The following SYK variants were observed in gnomAD, a reference collection of about 807,000 sequenced individuals.
SYK encodes the protein tyrosine-protein kinase SYK.
In SYK, 16 loss-of-function variants were observed where a neutral mutation model predicts 77.8. The observed-to-expected ratio is 0.21, with a 90% CI of 0.14 to 0.31. SYK has a LOEUF of 0.31. SYK is among the 10% of genes least tolerant of loss of function. The pLI is 1.00. For synonymous variants in SYK, 312 were observed against 308.7 expected (o/e 1.01, Z -0.11); for missense variants, 529 against 814.4 (o/e 0.65, Z 4.26).
chr9:90,809,731 G>A (rs1293579531), intron 1 of SYK, among the ~76,000 whole-genome samples: 2 of 152,158 alleles, frequency 1.3e-5, no homozygotes, highest in East Asian at 1.9e-4. Flanking sequence ...CTAGAGCCTC[G>A]TGGAAAGTGA....
At chr9:90,809,109 G>A (rs1824971238) in intron 1 of SYK, among the ~76,000 whole-genome samples, 2 of 152,226 alleles carry the variant, frequency 1.3e-5, no homozygotes, top group South Asian at 4.1e-4. Context: ...CTCACAGTGA[G>A]GGCTCAGGAA....
chr9:90,812,741 A>ATGTGTGTGTGTGTATGTG lies in SYK; in HGVS notation c.-42+10861_-42+10862insATGTGTGTGTGTGTGTGT, dbSNP rs1554704336. Among the ~76,000 whole-genome samples the ATGTGTGTGTGTGTATGTG allele has an allele frequency of 1.4e-3, 154 of 109,932 alleles. 1 individual carries two copies. The highest frequency in any genetic ancestry group is 2.1e-3 in the Non-Finnish European group (108 of 52,114). 72.1% of individuals were successfully genotyped at this position (109,932 alleles called of 152,430 possible). A position where few individuals can be genotyped will look rare whatever the true frequency, so the allele number is the denominator to read the frequency against. ...CCAGAGTGGCTCCTCCCCATTTGATATGTGTGTGTGTGTGTGTGTGTGTGT... is the reference window on the plus strand; with the variant it reads ...CCAGAGTGGCTCCTCCCCATTTGATATGTGTGTGTGTGTATGTGTGTGTGTGTGTGTGTGTGTGTGTGT... On this transcript the variant is annotated intron_variant, in intron 1 of 13. Coordinates refer to ENST00000375754, the MANE Select transcript of SYK (RefSeq NM_003177.7).
At chr9:90,884,160 TACAC>T (rs67180121) in intron 11 of SYK, among the ~76,000 whole-genome samples, 9,739 of 74,120 alleles carry the variant, frequency 0.13, 1,600 homozygotes, top group Middle Eastern at 0.24. Context: ...TGTGTATATA[TACAC>T]ACATACACAT....
chr9:90,839,774 C>G (rs1227840067), intron 1 of SYK, among the ~76,000 whole-genome samples: 1 of 152,122 alleles, frequency 6.6e-6, no homozygotes, highest in East Asian at 1.9e-4. Flanking sequence ...ACACAAGCAT[C>G]GGGGCCAGGT....
chr9:90,805,448 C>T (rs1260826215), intron 1 of SYK, among the ~76,000 whole-genome samples: 2 of 152,156 alleles, frequency 1.3e-5, no homozygotes, highest in African/African-American at 2.4e-5. Context: ...TGCAGGTCTA[C>T]CGAGCAGGGT....
intron 11 of SYK, among the ~76,000 whole-genome samples, chr9:90,885,296 G>C (rs1351307400): frequency 6.6e-6 from 1 of 151,958 alleles, no homozygotes; most frequent in Non-Finnish European, 1.5e-5. Flanking sequence ...AAACAGTTCA[G>C]GATATGAATG....
rs1394064412 is a variant in SYK, at chr9:90,844,147, C to G, written c.249C>G (p.Ala83=). ...TYAIAGGRTH[A]SPADLCHYHS... is the part of the protein sequence containing the mutation. Reference sequence around the variant, plus strand: ...CCATCGCCGGTGGCAGGACCCATGCCAGCCCCGCCGACCTCTGCCACTACC... The same window carrying G: ...CCATCGCCGGTGGCAGGACCCATGCGAGCCCCGCCGACCTCTGCCACTACC... The change falls in exon 2 of 14, where the codon GCC becomes GCG. Residue 83 remains alanine, a synonymous_variant. Transcript: ENST00000375754. 6.2e-7 allele frequency: 1 copy of G among 1,614,010 alleles called. No homozygotes were observed. The highest frequency in any genetic ancestry group is 1.7e-5 in the Admixed American group (1 of 60,010).
chr9:90,845,210 A>G (rs1826539607), intron 2 of SYK, among the ~76,000 whole-genome samples: 1 of 152,236 alleles, frequency 6.6e-6, no homozygotes, highest in South Asian at 2.1e-4. Flanking sequence ...TACTGGGATT[A>G]TAAGCGTGAG....
chr9:90,884,020 C>A (rs1828263683), intron 11 of SYK, among the ~76,000 whole-genome samples: 1 of 152,104 alleles, frequency 6.6e-6, no homozygotes, highest in Admixed American at 6.5e-5. Context: ...CCACTAATAA[C>A]CATACCCTAA....
chr9:90,812,797 G>A (rs1825142333), intron 1 of SYK, among the ~76,000 whole-genome samples: 1 of 151,030 alleles, frequency 6.6e-6, no homozygotes, highest in Non-Finnish European at 1.5e-5. Context: ...GAGATTGAGA[G>A]AGAGAGGGCT....
intron 1 of SYK, among the ~76,000 whole-genome samples, chr9:90,827,319 C>T (rs1825696959): frequency 1.3e-5 from 2 of 152,134 alleles, no homozygotes; most frequent in African/African-American, 2.4e-5. Flanking sequence ...AGGCCCCGTG[C>T]TGCTGGGGAT....
chr9:90,834,574 T>C (rs1042413975), intron 1 of SYK, among the ~76,000 whole-genome samples: 2 of 152,184 alleles, frequency 1.3e-5, no homozygotes, highest in African/African-American at 2.4e-5. Flanking sequence ...TTTTGTTCAT[T>C]GGCAATGATG....
At chr9:90,829,715 G>A (rs1221414648) in intron 1 of SYK, among the ~76,000 whole-genome samples, 1 of 152,188 alleles carries the variant, frequency 6.6e-6, no homozygotes, top group East Asian at 1.9e-4. Flanking sequence ...TGCTCAACAA[G>A]CATATTGAAT....
intron 3 of SYK, among the ~76,000 whole-genome samples, chr9:90,846,557 G>A (rs539960055): frequency 6.6e-6 from 1 of 152,316 alleles, no homozygotes; most frequent in South Asian, 2.1e-4. Context: ...TGTAGTCCCA[G>A]CTACTCCTGG....
chr9:90,877,487 A>AG (rs1827984340), intron 9 of SYK, 84 bp from the exon 10 acceptor site: 3 of 1,464,912 alleles, frequency 2.0e-6, no homozygotes, highest in Non-Finnish European at 2.8e-6. Context: ...CTGTTTCCAC[A>AG]GGGGGATTAT....
Position 90,879,001 on chromosome 9 carries a change from C to T in SYK, c.1581+48C>T, listed in dbSNP as rs760612847. The T allele has an allele frequency of 3.7e-6, 5 of 1,365,898 alleles. No homozygotes were observed. The Admixed American group carries it at 9.8e-5, about 27-fold the overall frequency. 84.6% of individuals were successfully genotyped at this position (1,365,898 alleles called of 1,614,324 possible). On this transcript the variant is annotated intron_variant, in intron 11 of 13. Transcript: ENST00000375754. Reference sequence around the variant, plus strand: ...TCAGAGCAGCAGGTGGTAAAAAATGCAAGATAAATGTACGTTTTCTTTATT... The same window carrying T: ...TCAGAGCAGCAGGTGGTAAAAAATGTAAGATAAATGTACGTTTTCTTTATT...
chr9:90,832,895 A>G (rs1157274829), intron 1 of SYK, among the ~76,000 whole-genome samples: 1 of 152,172 alleles, frequency 6.6e-6, no homozygotes, highest in Admixed American at 6.5e-5. Flanking sequence ...GTAGGGTTGT[A>G]GTCAGGTGTG....
chr9:90,837,556 G>T (rs1826129323), intron 1 of SYK, among the ~76,000 whole-genome samples: 1 of 152,058 alleles, frequency 6.6e-6, no homozygotes, highest in Non-Finnish European at 1.5e-5. Flanking sequence ...GCAAGGTGAG[G>T]TTGCAGGTCT....
At chr9:90,859,372 T>C (rs1464232068) in intron 3 of SYK, among the ~76,000 whole-genome samples, 3 of 152,240 alleles carry the variant, frequency 2.0e-5, no homozygotes, top group African/African-American at 2.4e-5. Context: ...TTTTGTCTGT[T>C]TGGGGACTTT....
Sources: allele counts gnomAD v4.1 joint callset (sites outside exome capture counted in the v4.1 genomes callset), GRCh38; gene constraint gnomAD v4.1.1; transcripts MANE v1.5; gene names NCBI Gene and HGNC (gene_info 2026-07-23, HGNC 2026-07-21).